The following VTA1 variants were observed in gnomAD, a reference collection of about 807,000 sequenced individuals.
The protein encoded by VTA1 is vacuolar protein sorting-associated protein VTA1 homolog.
In VTA1, 24 loss-of-function variants were observed where a neutral mutation model predicts 36.9. The ratio of observed to expected loss-of-function variants is 0.65; its 90% CI spans 0.47 to 0.91. The LOEUF (loss-of-function observed/expected upper bound fraction) is 0.91, where lower values mean the gene tolerates loss of function less well. Among genes scored for constraint, VTA1 ranks in the 40% least tolerant of loss-of-function variants. The probability of loss-of-function intolerance (pLI) is 0.00; values close to 1 mark genes in which losing one functional copy is unlikely to be tolerated. For synonymous variants in VTA1, 142 were observed against 130.2 expected (o/e 1.09, Z -0.62); for missense variants, 393 against 377.2 (o/e 1.04, Z -0.35).
At chr6:142,201,798 A>C (rs947225320) in intron 6 of VTA1, among the ~76,000 whole-genome samples, 4 of 151,864 alleles carry the variant, frequency 2.6e-5, no homozygotes, top group African/African-American at 9.7e-5. Context: ...CTAAGGTTTC[A>C]CTCATTCTTT....
At chr6:142,148,312 G>C (rs1778497380) in intron 1 of VTA1, among the ~76,000 whole-genome samples, 1 of 152,164 alleles carries the variant, frequency 6.6e-6, no homozygotes, top group South Asian at 2.1e-4. Flanking sequence ...AAATGTGCAA[G>C]GCCTTTTCAG....
chr6:142,204,198 A>G, intron 7 of VTA1, 133 bp downstream of exon 7: 2 of 762,232 alleles, frequency 2.6e-6, no homozygotes, highest in Non-Finnish European at 4.3e-6. Context: ...TTTGAAATAA[A>G]TTTCCTTGAA....
Position 142,191,529 on chromosome 6 carries a change from T to C in VTA1, c.520+1995T>C, listed in dbSNP as rs917436228. Among the ~76,000 whole-genome samples the C allele has an allele frequency of 3.3e-5, 5 of 152,122 alleles. No individual in the cohort carries two copies. The East Asian group carries it at 9.6e-4, about 29-fold the overall frequency. ...AATAGATTATTAAATGTAGACAGTT[T>C]TTGTTTTCCAAAAGTCAGCTTAAAT... is the stretch of plus-strand genomic sequence containing the variant. On this transcript the variant is annotated intron_variant, in intron 5 of 7. Coordinates refer to ENST00000367630, the MANE Select transcript of VTA1 (RefSeq NM_016485.5).
chr6:142,168,413 T>G (rs1363997418), intron 2 of VTA1, among the ~76,000 whole-genome samples: 2 of 152,124 alleles, frequency 1.3e-5, no homozygotes, highest in African/African-American at 4.8e-5. Context: ...ATCCTGGGGC[T>G]TCTTTTAATT....
At position 142,220,210 on chromosome 6, in the gene VTA1, T is replaced by G. The variant is rs969307124; in HGVS notation, c.*1567T>G. 2 of 152,208 alleles carry G rather than the reference T, an allele frequency of 1.3e-5. No individual in the cohort carries two copies. The highest frequency in any genetic ancestry group is 3.8e-4 in the East Asian group (2 of 5,202). 9.4% of individuals were successfully genotyped at this position (152,208 alleles called of 1,614,324 possible). A position where few individuals can be genotyped will look rare whatever the true frequency, so the allele number is the denominator to read the frequency against. On this transcript the variant is annotated 3_prime_UTR_variant, in exon 8 of 8. Coordinates refer to ENST00000367630, the MANE Select transcript of VTA1 (RefSeq NM_016485.5). ...GTATGAACATTTGTAGGGTTCCACA[T>G]TTGCATCTAGAAATCCAATGCTCTT...
intron 5 of VTA1, among the ~76,000 whole-genome samples, chr6:142,195,473 A>C (rs561035262): frequency 6.6e-6 from 1 of 151,614 alleles, no homozygotes; most frequent in Non-Finnish European, 1.5e-5. Context: ...TTTTCCTCCC[A>C]GTCTCTTGAC....
At position 142,218,650 on chromosome 6, in the gene VTA1, T is replaced by C; in HGVS notation, c.*7T>C. 1 of 1,603,822 alleles carries C rather than the reference T, an allele frequency of 6.2e-7. No individual in the cohort carries two copies. Among genetic ancestry groups the C allele is most frequent in the Non-Finnish European group, 8.5e-7 (1 of 1,176,704 alleles). Reference sequence around the variant, plus strand: ...GACGACAGGCAGAGAATGAAGCCTTTGTATGACAGACCCATGTATTTTTGG... The same window carrying C: ...GACGACAGGCAGAGAATGAAGCCTTCGTATGACAGACCCATGTATTTTTGG... On this transcript the variant is annotated 3_prime_UTR_variant, in exon 8 of 8. Coordinates refer to ENST00000367630, the MANE Select transcript of VTA1 (RefSeq NM_016485.5).
Position 142,189,488 on chromosome 6 carries a change from T to C in VTA1, c.474T>C (p.Asn158=). The change falls in exon 5 of 8, where the codon AAT becomes AAC. Residue 158 remains asparagine, a synonymous_variant. Transcript: ENST00000367630. ...CATACATCCATAATTGTTTAAAGAA[T>C]GGGGAGACTCCTCAAGCAGGCCCTG... The part of the protein sequence containing the change: ...KATYIHNCLK[N]GETPQAGPVG... 2 of 1,614,034 alleles carry C rather than the reference T, an allele frequency of 1.2e-6. No individual in the cohort carries two copies. Among genetic ancestry groups the C allele is most frequent in the Non-Finnish European group, 1.7e-6 (2 of 1,179,964 alleles).
intron 4 of VTA1, among the ~76,000 whole-genome samples, chr6:142,181,455 T>TTTTATA (rs893322058): frequency 3.0e-4 from 43 of 143,652 alleles, no homozygotes; most frequent in Middle Eastern, 3.4e-3. Flanking sequence ...TTTTTATATT[T>TTTTATA]TATATATATA....
intron 4 of VTA1, among the ~76,000 whole-genome samples, chr6:142,184,843 A>T (rs933380132): frequency 6.6e-6 from 1 of 152,170 alleles, no homozygotes. Context: ...CGAGGTTTTG[A>T]TGAAGACCAA....
intron 4 of VTA1, among the ~76,000 whole-genome samples, chr6:142,185,926 A>T (rs1775331263): frequency 6.6e-6 from 1 of 152,226 alleles, no homozygotes; most frequent in South Asian, 2.1e-4. Flanking sequence ...TGCTTGGTAT[A>T]AACAACAGAT....
chr6:142,189,449 C>T lies in VTA1; in HGVS notation c.435C>T (p.Ala145=), dbSNP rs1384717290. 3 of 1,613,596 alleles carry T rather than the reference C, an allele frequency of 1.9e-6. No homozygotes were observed. The highest frequency in any genetic ancestry group is 2.5e-6 in the Non-Finnish European group (3 of 1,179,766). Residue 145 remains alanine (A), a synonymous_variant, in exon 5 of 8, where the codon GCC becomes GCT. Coordinates refer to ENST00000367630, the MANE Select transcript of VTA1 (RefSeq NM_016485.5). ...TDENVKHRKY[A]RWKATYIHNC... is the part of the protein sequence containing the mutation. ...AGAATGTGAAACACAGGAAGTATGC[C>T]AGATGGAAGGCAACATACATCCATA...
rs1326683218 is a variant in VTA1, at chr6:142,223,063, T to C, written c.*4420T>C. 6.6e-6 allele frequency: 1 copy of C among 152,212 alleles called. No homozygotes were observed. The highest frequency in any genetic ancestry group is 1.5e-5 in the Non-Finnish European group (1 of 68,038). 9.4% of individuals were successfully genotyped at this position (152,212 alleles called of 1,614,324 possible). ...TTACATTGTAAGTACAATGAGATGT[T>C]ATGAGTTCCACATTATCAAGGTCAT... On this transcript the variant is annotated 3_prime_UTR_variant, in exon 8 of 8. Transcript: ENST00000367630.
chr6:142,207,242 A>C (rs764117567), intron 7 of VTA1, among the ~76,000 whole-genome samples: 4 of 152,172 alleles, frequency 2.6e-5, no homozygotes, highest in Non-Finnish European at 5.9e-5. Context: ...TTCTACACTG[A>C]AAGAAGTAAA....
At chr6:142,153,327 A>C (rs556987038) in intron 1 of VTA1, among the ~76,000 whole-genome samples, 1 of 152,058 alleles carries the variant, frequency 6.6e-6, no homozygotes, top group African/African-American at 2.4e-5. Flanking sequence ...TAAACAAACT[A>C]TACAGTAATT....
Position 142,170,330 on chromosome 6 carries a change from C to T in VTA1, c.336-16C>T, listed in dbSNP as rs763756296. On this transcript the variant is annotated splice_polypyrimidine_tract_variant and intron_variant, in intron 3 of 7. Transcript: ENST00000367630. ...TGTTTCATATTTAAACTAGACCGCT[C>T]TCTTTTCTCTTCCAGAAACATGATC... is the stretch of plus-strand genomic sequence containing the variant. 3 of 1,560,528 alleles carry T rather than the reference C, an allele frequency of 1.9e-6. No homozygotes were observed. The highest frequency in any genetic ancestry group is 2.6e-6 in the Non-Finnish European group (3 of 1,141,644).
At chr6:142,215,205 G>A (rs771517605) in intron 7 of VTA1, among the ~76,000 whole-genome samples, 16 of 152,062 alleles carry the variant, frequency 1.1e-4, no homozygotes, top group Non-Finnish European at 1.9e-4. Flanking sequence ...TTGGGAGGCC[G>A]AGATGGGTGG....
At chr6:142,217,003 ATC>A (rs1013558446) in intron 7 of VTA1, among the ~76,000 whole-genome samples, 5 of 152,210 alleles carry the variant, frequency 3.3e-5, no homozygotes, top group African/African-American at 1.2e-4. Context: ...CCATTAAAGA[ATC>A]TGGTAGGTAT....
At chr6:142,206,608 A>G (rs1254161854) in intron 7 of VTA1, among the ~76,000 whole-genome samples, 1 of 152,212 alleles carries the variant, frequency 6.6e-6, no homozygotes, top group Non-Finnish European at 1.5e-5. Context: ...TAAAGTTTAT[A>G]TGGAGTGGCA....
Sources: allele counts gnomAD v4.1 joint callset (sites outside exome capture counted in the v4.1 genomes callset), GRCh38; gene constraint gnomAD v4.1.1; transcripts MANE v1.5; gene names NCBI Gene and HGNC (gene_info 2026-07-23, HGNC 2026-07-21).